Variants in SDK1 observed in about 807,000 individuals in gnomAD.
SDK1 encodes the protein protein sidekick-1.
SDK1 carries 157 observed loss-of-function variants against 245.5 expected under a neutral mutation model. That is an observed-to-expected ratio of 0.64 (90% CI 0.56 to 0.73). The LOEUF (loss-of-function observed/expected upper bound fraction) is 0.73, where lower values mean the gene tolerates loss of function less well. SDK1 is among the 30% of genes least tolerant of loss of function. The probability of loss-of-function intolerance (pLI) is 0.00; values close to 1 mark genes in which losing one functional copy is unlikely to be tolerated. For missense variants in SDK1, 3,583 were observed against 3,002.3 expected, an observed-to-expected ratio of 1.19 and a Z score of -4.52; for synonymous variants, 1,647 against 1,278.5, an observed-to-expected ratio of 1.29 and a Z score of -6.15.
At chr7:3,570,937 A>G (rs548907618) in intron 1 of SDK1, among the ~76,000 whole-genome samples, 1 of 152,064 alleles carries the variant, frequency 6.6e-6, no homozygotes, top group Non-Finnish European at 1.5e-5. Flanking sequence ...GTGTTTATGC[A>G]TGAATTTTTC....
At chr7:3,592,832 G>A (rs1413932642) in intron 1 of SDK1, among the ~76,000 whole-genome samples, 1 of 152,166 alleles carries the variant, frequency 6.6e-6, no homozygotes, top group Non-Finnish European at 1.5e-5. Flanking sequence ...GTATATGTTT[G>A]TTGTGTTTTG....
chr7:4,077,161 A>T lies in SDK1; in HGVS notation c.3174A>T (p.Ser1058=), dbSNP rs2128177445. ...CCGTGGGCACTGGCCTGGTGACTTC[A>T]TCCACCATTTCTTCTGGAGTGCCCC... is the stretch of plus-strand genomic sequence containing the variant. ...VTAVGTGLVT[S]STISSGVPPD... The change falls in exon 21 of 45, where the codon TCA becomes TCT. Residue 1058 remains serine, a synonymous_variant. Transcript: ENST00000404826. 1 of 1,614,156 alleles carries T rather than the reference A, an allele frequency of 6.2e-7. No homozygotes were observed. The highest frequency in any genetic ancestry group is 2.2e-5 in the East Asian group (1 of 44,868).
intron 22 of SDK1, among the ~76,000 whole-genome samples, chr7:4,093,585 T>C (rs1043041392): frequency 6.6e-6 from 1 of 152,102 alleles, no homozygotes; most frequent in Admixed American, 6.5e-5. Context: ...TGTTTAGTGC[T>C]GGTCTCTCTG....
At chr7:3,798,211 C>CTTTTTTTTTTTT (rs71029699) in intron 4 of SDK1, among the ~76,000 whole-genome samples, 1 of 53,612 alleles carries the variant, frequency 1.9e-5, no homozygotes, top group African/African-American at 7.1e-5. Flanking sequence ...CCTTGGCACT[C>CTTTTTTTTTTTT]TTTTTTTTTT....
At chr7:4,203,129 G>A (rs977347940) in intron 35 of SDK1, among the ~76,000 whole-genome samples, 2 of 152,216 alleles carry the variant, frequency 1.3e-5, no homozygotes, top group African/African-American at 4.8e-5. Flanking sequence ...CGCAGAGGCA[G>A]GAGGCCACGC....
At chr7:4,123,861 G>A (rs548124407) in intron 25 of SDK1, among the ~76,000 whole-genome samples, 3 of 152,318 alleles carry the variant, frequency 2.0e-5, no homozygotes, top group African/African-American at 7.2e-5. Context: ...CAGCATGGTA[G>A]GGGGAGAAGG....
chr7:3,674,863 A>G (rs116330086), intron 4 of SDK1, among the ~76,000 whole-genome samples: 123 of 152,224 alleles, frequency 8.1e-4, no homozygotes, highest in African/African-American at 2.9e-3. Flanking sequence ...TGGCTGGATT[A>G]ATGCTGGTAG....
chr7:3,331,435 G>C (rs1180678998), intron 1 of SDK1, among the ~76,000 whole-genome samples: 1 of 152,118 alleles, frequency 6.6e-6, no homozygotes, highest in East Asian at 1.9e-4. Context: ...TTGTCCATTT[G>C]CATATCTTCT....
intron 1 of SDK1, among the ~76,000 whole-genome samples, chr7:3,449,890 G>A (rs545226773): frequency 1.3e-5 from 2 of 152,312 alleles, no homozygotes; most frequent in East Asian, 3.9e-4. Flanking sequence ...TTACATCATT[G>A]CAGAACTGTT....
intron 44 of SDK1, among the ~76,000 whole-genome samples, chr7:4,254,284 T>G (rs1787494188): frequency 2.6e-5 from 4 of 152,162 alleles, no homozygotes; most frequent in Admixed American, 2.6e-4. Flanking sequence ...AGTGCTGTCT[T>G]ATATTTATCA....
At chr7:4,204,032 G>A (rs1186177347) in intron 35 of SDK1, among the ~76,000 whole-genome samples, 3 of 152,222 alleles carry the variant, frequency 2.0e-5, no homozygotes, top group African/African-American at 4.8e-5. Flanking sequence ...CCTACAGGCG[G>A]ATATCCAAGT....
At chr7:4,067,793 A>G (rs768012524) in intron 19 of SDK1, 45 bp from the exon 20 acceptor site, 3 of 1,461,454 alleles carry the variant, frequency 2.1e-6, no homozygotes, top group East Asian at 2.3e-5. Context: ...TCAAAAGAAA[A>G]TTTGGGCTAT....
chr7:4,014,867 C>G (rs1311939106), intron 16 of SDK1, among the ~76,000 whole-genome samples: 1 of 152,080 alleles, frequency 6.6e-6, no homozygotes, highest in Non-Finnish European at 1.5e-5. Context: ...ACAAAAGCAC[C>G]CGGAGCCACT....
At chr7:3,761,244 T>A (rs1362821210) in intron 4 of SDK1, among the ~76,000 whole-genome samples, 3 of 149,814 alleles carry the variant, frequency 2.0e-5, no homozygotes, top group Non-Finnish European at 4.4e-5. Flanking sequence ...GTTTTTTTTT[T>A]ATCAAGCCCC....
At chr7:3,794,551 G>C (rs771629995) in intron 4 of SDK1, among the ~76,000 whole-genome samples, 3 of 152,094 alleles carry the variant, frequency 2.0e-5, no homozygotes, top group East Asian at 1.9e-4. Flanking sequence ...GTTATCATGG[G>C]AGTGAGACCA....
At chr7:3,405,554 A>C (rs1282331594) in intron 1 of SDK1, among the ~76,000 whole-genome samples, 1 of 152,104 alleles carries the variant, frequency 6.6e-6, no homozygotes, top group Non-Finnish European at 1.5e-5. Flanking sequence ...AGACTGTTTT[A>C]TCTGTTTGTT....
chr7:3,658,870 A>G (rs1583280141), intron 4 of SDK1, among the ~76,000 whole-genome samples: 9 of 152,218 alleles, frequency 5.9e-5, no homozygotes, highest in Admixed American at 5.9e-4. Flanking sequence ...CGCCCACTTC[A>G]GCCTCTCAAA....
chr7:3,440,809 G>A (rs1193645023), intron 1 of SDK1, among the ~76,000 whole-genome samples: 2 of 152,124 alleles, frequency 1.3e-5, no homozygotes, highest in African/African-American at 4.8e-5. Flanking sequence ...AAAAGTTATG[G>A]CCACAATGTG....
intron 4 of SDK1, among the ~76,000 whole-genome samples, chr7:3,723,682 AC>A (rs1778896299): frequency 2.9e-5 from 4 of 137,554 alleles, no homozygotes; most frequent in African/African-American, 1.2e-4. Context: ...GTGTGTGTAT[AC>A]GTGTATATAC....
Sources: gnomAD v4.1 joint callset for allele counts (sites outside exome capture counted in the v4.1 genomes callset) on GRCh38, gnomAD v4.1.1 for gene constraint, MANE v1.5 for transcripts, NCBI Gene and HGNC (gene_info 2026-07-23, HGNC 2026-07-21) for gene names.